The following TERF1 variants were observed in gnomAD, a reference collection of about 807,000 sequenced individuals.
TERF1 encodes telomeric repeat binding factor 1.
A neutral mutation model predicts 55.1 loss-of-function variants in TERF1; 20 were observed. The ratio of observed to expected loss-of-function variants is 0.36; its 90% CI spans 0.26 to 0.53. TERF1 has a LOEUF of 0.53. TERF1 is among the 20% of genes least tolerant of loss of function. The pLI is 0.91. For synonymous variants in TERF1, 168 were observed against 181.2 expected (o/e 0.93, Z 0.59); for missense variants, 439 against 535.7 (o/e 0.82, Z 1.78).
intron 8 of TERF1, among the ~76,000 whole-genome samples, chr8:73,033,880 G>T (rs1299720127): frequency 1.3e-5 from 2 of 152,142 alleles, no homozygotes; most frequent in Non-Finnish European, 2.9e-5. Context: ...TACTTCAGTG[G>T]TACCCAGGTA....
At chr8:73,023,428 A>G (rs1292349845) in intron 4 of TERF1, among the ~76,000 whole-genome samples, 3 of 152,190 alleles carry the variant, frequency 2.0e-5, no homozygotes, top group South Asian at 2.1e-4. Flanking sequence ...GAGAGTGACT[A>G]CCTTAATCCA....
intron 6 of TERF1, among the ~76,000 whole-genome samples, chr8:73,027,406 A>G (rs1809058683): frequency 6.6e-6 from 1 of 152,174 alleles, no homozygotes; most frequent in Admixed American, 6.5e-5. Context: ...AGAGTCTAGT[A>G]TTTTAAGATA....
At position 73,009,196 on chromosome 8, in the gene TERF1, A is replaced by G; in HGVS notation, c.310A>G (p.Ser104Gly). The G allele has an allele frequency of 6.2e-7, 1 of 1,610,242 alleles. No homozygotes were observed. The highest frequency in any genetic ancestry group is 8.5e-7 in the Non-Finnish European group (1 of 1,179,798). Residue 104 changes from serine (S) to glycine (G), a missense_variant, in exon 1 of 10, where the codon AGC (serine) becomes GGC (glycine). Ser to Gly is a moderately conservative substitution (Grantham distance 56). Transcript: ENST00000276603. ...RSEDFRRTRN[S>G]AEAIIHGLSS... ...CGAGGACTTCCGCAGGACCCGCAAC[A>G]GCGCAGAGGGTGAGTGCAGACCGCG...
chr8:73,016,245 A>G (rs1378235638), intron 2 of TERF1, among the ~76,000 whole-genome samples: 1 of 152,144 alleles, frequency 6.6e-6, no homozygotes, highest in Non-Finnish European at 1.5e-5. Context: ...GTAATCATGT[A>G]TGGCTAGTAG....
chr8:73,045,925 GT>G, intron 9 of TERF1, 35 bp from the exon 10 acceptor site: 1 of 1,425,396 alleles, frequency 7.0e-7, no homozygotes, highest in East Asian at 2.6e-5. Context: ...TTGAATAATT[GT>G]TTCTGTAAAT....
At chr8:73,019,926 CTG>C (rs1563458995) in intron 2 of TERF1, among the ~76,000 whole-genome samples, 1 of 151,304 alleles carries the variant, frequency 6.6e-6, no homozygotes, top group African/African-American at 2.5e-5. Context: ...CCTTACTACT[CTG>C]AAACTATATT....
intron 2 of TERF1, among the ~76,000 whole-genome samples, chr8:73,019,262 T>A (rs1198714792): frequency 6.6e-6 from 1 of 152,216 alleles, no homozygotes; most frequent in African/African-American, 2.4e-5. Flanking sequence ...TTAGCATTAT[T>A]TTGAAAATAA....
chr8:73,023,447 C>A (rs993580793), intron 4 of TERF1, among the ~76,000 whole-genome samples: 1 of 152,160 alleles, frequency 6.6e-6, no homozygotes, highest in Non-Finnish European at 1.5e-5. Flanking sequence ...CAGTAAGGAA[C>A]CTGGGCCTAG....
chr8:73,031,968 C>A, intron 7 of TERF1, 74 bp from the exon 8 acceptor site: 1 of 1,023,728 alleles, frequency 9.8e-7, no homozygotes, highest in Non-Finnish European at 1.5e-6. Flanking sequence ...CAGATTAAGG[C>A]AAATCATTTA....
chr8:73,046,009 T>C lies in TERF1; in HGVS notation c.1192T>C (p.Tyr398His), dbSNP rs1810016099. ...DKNLRSGVRK[Y>H]GEGNWSKILL... The stretch of plus-strand genomic sequence containing the variant: ...GAATTTGAGATCTGGCGTGAGGAAA[T>C]ATGGAGAGGGAAACTGGTCTAAAAT... Residue 398 changes from tyrosine to histidine, a missense_variant, in exon 10 of 10, where the codon TAT becomes CAT. This residue lies in a region of TERF1 where 25 missense variants were observed against 57.3 expected (regional missense o/e 0.44). Transcript: ENST00000276603. 3 of 1,606,472 alleles carry C rather than the reference T, an allele frequency of 1.9e-6. No homozygotes were observed. The East Asian group carries it at 6.8e-5, about 36-fold the overall frequency.
intron 2 of TERF1, among the ~76,000 whole-genome samples, chr8:73,015,373 C>T (rs1233773225): frequency 1.3e-5 from 2 of 149,756 alleles, no homozygotes; most frequent in African/African-American, 2.5e-5. Context: ...GATATGTGAG[C>T]CACATGTCTA....
chr8:73,027,043 C>T lies in TERF1; in HGVS notation c.878C>T (p.Thr293Ile). ...VEMETEANLD[T>I]RKSVSDKQSA... ...ATGGAAACTGAAGCTAATTTGGATA[C>T]AAGAAAAAGGTTTGTAATTTAATCA... Residue 293 changes from threonine to isoleucine, a missense_variant, in exon 6 of 10, where the codon ACA becomes ATA. Coordinates refer to ENST00000276603, the MANE Select transcript of TERF1 (RefSeq NM_017489.3). 1 of 1,607,342 alleles carries T rather than the reference C, an allele frequency of 6.2e-7. No homozygotes were observed. The highest frequency in any genetic ancestry group is 1.1e-5 in the South Asian group (1 of 90,466).
chr8:73,035,452 C>T (rs1809472563), intron 8 of TERF1, among the ~76,000 whole-genome samples: 1 of 150,934 alleles, frequency 6.6e-6, no homozygotes, highest in Non-Finnish European at 1.5e-5. Context: ...GTTTTATGGC[C>T]CACAGTATGG....
At chr8:73,010,794 A>G (rs966633881) in intron 1 of TERF1, 1 of 152,256 alleles carries the variant, frequency 6.6e-6, no homozygotes, top group Admixed American at 6.5e-5. Context: ...TAAGGCTGGG[A>G]CAGGGAGACA....
intron 2 of TERF1, among the ~76,000 whole-genome samples, chr8:73,015,402 G>C (rs1008241143): frequency 4.7e-5 from 7 of 149,406 alleles, no homozygotes; most frequent in African/African-American, 1.7e-4. Context: ...TTTTCTAATA[G>C]CTATGTTAAG....
At chr8:73,042,165 G>T (rs1809857906) in intron 9 of TERF1, among the ~76,000 whole-genome samples, 1 of 152,148 alleles carries the variant, frequency 6.6e-6, no homozygotes, top group Non-Finnish European at 1.5e-5. Context: ...AGAAGTCTCT[G>T]TCTTATACAT....
intron 4 of TERF1, among the ~76,000 whole-genome samples, chr8:73,024,432 A>C: frequency 6.6e-6 from 1 of 152,230 alleles, no homozygotes; most frequent in Non-Finnish European, 1.5e-5. Flanking sequence ...TAGTGCAAGT[A>C]AAGGAATTCC....
chr8:73,020,871 G>A (rs547460248), intron 3 of TERF1, 66 bp downstream of exon 3: 30 of 991,718 alleles, frequency 3.0e-5, no homozygotes, highest in Admixed American at 5.8e-5. Context: ...AAATTAAGAG[G>A]AACCTAGTAG....
At chr8:73,014,278 C>T (rs1254387291) in intron 2 of TERF1, among the ~76,000 whole-genome samples, 1 of 151,716 alleles carries the variant, frequency 6.6e-6, no homozygotes, top group Non-Finnish European at 1.5e-5. Flanking sequence ...GTCTCCCTAA[C>T]TCTCATGAGT....
Sources: gnomAD v4.1 joint callset for allele counts (sites outside exome capture counted in the v4.1 genomes callset) on GRCh38, gnomAD v4.1.1 for gene constraint, gnomAD v4.1.1 regional missense constraint, MANE v1.5 for transcripts, NCBI Gene and HGNC (gene_info 2026-07-23, HGNC 2026-07-21) for gene names.